TMEM132D: variants seen among roughly 807,000 people sequenced by gnomAD.
The protein encoded by TMEM132D is mature OL transmembrane protein.
In TMEM132D, 21 loss-of-function variants were observed where a neutral mutation model predicts 62.3. The ratio of observed to expected loss-of-function variants is 0.34; its 90% CI spans 0.24 to 0.49. The LOEUF (loss-of-function observed/expected upper bound fraction) is 0.49, where lower values mean the gene tolerates loss of function less well. Among genes scored for constraint, TMEM132D ranks in the 20% least tolerant of loss-of-function variants. The pLI is 0.99. For synonymous variants in TMEM132D, 621 were observed against 575.6 expected (o/e 1.08, Z -1.13); for missense variants, 1,346 against 1,402.8 (o/e 0.96, Z 0.65).
intron 5 of TMEM132D, among the ~76,000 whole-genome samples, chr12:129,162,756 C>G (rs541657122): frequency 1.3e-5 from 2 of 152,316 alleles, no homozygotes; most frequent in East Asian, 3.9e-4. Context: ...CTTCCTGAGG[C>G]CTTCTTAGAA....
chr12:129,482,239 T>C (rs1036581970), intron 3 of TMEM132D, among the ~76,000 whole-genome samples: 1 of 152,202 alleles, frequency 6.6e-6, no homozygotes, highest in Non-Finnish European at 1.5e-5. Flanking sequence ...GTGTGTAGCG[T>C]GGCAAAACAC....
chr12:129,294,153 G>A (rs1881513955), intron 4 of TMEM132D, among the ~76,000 whole-genome samples: 1 of 152,174 alleles, frequency 6.6e-6, no homozygotes, highest in African/African-American at 2.4e-5. Context: ...ACAGAGGGAA[G>A]TATATGAACT....
intron 4 of TMEM132D, among the ~76,000 whole-genome samples, chr12:129,214,034 C>G (rs189854366): frequency 1.0e-3 from 153 of 152,288 alleles, no homozygotes; most frequent in Non-Finnish European, 1.3e-3. Context: ...AAGTGCTGCT[C>G]CTAAACAGAC....
chr12:129,281,428 T>TA (rs1029990041), intron 4 of TMEM132D, among the ~76,000 whole-genome samples: 6 of 149,776 alleles, frequency 4.0e-5, no homozygotes, highest in African/African-American at 1.5e-4. Context: ...CTTTTTTTTT[T>TA]AAAAAAAAAA....
intron 6 of TMEM132D, among the ~76,000 whole-genome samples, chr12:129,083,828 C>T (rs1157207680): frequency 6.6e-6 from 1 of 152,222 alleles, no homozygotes; most frequent in Non-Finnish European, 1.5e-5. Flanking sequence ...GCTCCTACCA[C>T]TCTCTTTACA....
chr12:129,883,901 G>C lies in TMEM132D; in HGVS notation c.79+19360C>G, dbSNP rs143791098. 1.8e-3 allele frequency among the ~76,000 whole-genome samples: 279 copies of C among 152,240 alleles called. 3 individuals carry two copies. The highest frequency in any genetic ancestry group is 3.4e-3 in the Middle Eastern group (1 of 294). On this transcript the variant is annotated intron_variant, in intron 1 of 8. Coordinates refer to ENST00000422113, the MANE Select transcript of TMEM132D (RefSeq NM_133448.3). ...CATACACAAAAATTAACCAAGACTGGATTATAGACCTCAATGCAATAAAAT... is the reference window on the plus strand; with the variant it reads ...CATACACAAAAATTAACCAAGACTGCATTATAGACCTCAATGCAATAAAAT...
At chr12:129,359,585 C>A (rs2135673562) in intron 3 of TMEM132D, among the ~76,000 whole-genome samples, 1 of 152,240 alleles carries the variant, frequency 6.6e-6, no homozygotes, top group East Asian at 1.9e-4. Flanking sequence ...GTATATGGCT[C>A]ACAGAGCCTG....
At chr12:129,290,039 G>A (rs1423357710) in intron 4 of TMEM132D, among the ~76,000 whole-genome samples, 1 of 152,186 alleles carries the variant, frequency 6.6e-6, no homozygotes, top group Non-Finnish European at 1.5e-5. Flanking sequence ...TCATATCAAT[G>A]TTTATTTCCT....
intron 4 of TMEM132D, among the ~76,000 whole-genome samples, chr12:129,298,567 T>G (rs1374192674): frequency 6.6e-6 from 1 of 152,154 alleles, no homozygotes; most frequent in African/African-American, 2.4e-5. Flanking sequence ...CTTCCTCCTA[T>G]CTGATTGTCA....
In TMEM132D at chr12:129,779,914, G is replaced by A. The variant is rs895527189; in HGVS notation, c.80-79216C>T. ...ACTATTTTTACCAACGTGCTTTTAC[G>A]CATTGACTCCAGAAATCCTTACAAC... On this transcript the variant is annotated intron_variant, in intron 1 of 8. Transcript: ENST00000422113. The surrounding 1 kb of genome is among the most constrained non-coding windows in gnomAD (Gnocchi z 4.1). 6.6e-5 allele frequency among the ~76,000 whole-genome samples: 10 copies of A among 152,030 alleles called. No individual in the cohort carries two copies. Among genetic ancestry groups the A allele is most frequent in the Middle Eastern group, 3.4e-3 (1 of 294 alleles).
chr12:129,851,019 G>C (rs1231274901), intron 1 of TMEM132D, among the ~76,000 whole-genome samples: 2 of 152,132 alleles, frequency 1.3e-5, no homozygotes, highest in African/African-American at 2.4e-5. Context: ...AGAAATAAAG[G>C]TGAAACTGAG....
intron 2 of TMEM132D, among the ~76,000 whole-genome samples, chr12:129,555,488 G>A (rs781102646): frequency 2.0e-5 from 3 of 152,168 alleles, no homozygotes; most frequent in Non-Finnish European, 4.4e-5. Context: ...AGCTAGGGAA[G>A]CAACCATACA....
At chr12:129,212,958 T>C (rs1420916791) in intron 4 of TMEM132D, among the ~76,000 whole-genome samples, 5 of 152,190 alleles carry the variant, frequency 3.3e-5, no homozygotes, top group Non-Finnish European at 7.3e-5. Flanking sequence ...CATGTCTTAG[T>C]TTGAGCCAGC....
At chr12:129,101,112 A>T (rs1393369403) in intron 5 of TMEM132D, among the ~76,000 whole-genome samples, 2 of 151,816 alleles carry the variant, frequency 1.3e-5, no homozygotes, top group Non-Finnish European at 2.9e-5. Flanking sequence ...CTGTGGCACC[A>T]GTTGATGGCA....
chr12:129,456,642 G>A (rs970493333), intron 3 of TMEM132D, among the ~76,000 whole-genome samples: 9 of 152,158 alleles, frequency 5.9e-5, no homozygotes, highest in Admixed American at 5.2e-4. Flanking sequence ...CCAAGCCATA[G>A]GTAACCATGT....
At chr12:129,411,440 C>T (rs1209300512) in intron 3 of TMEM132D, among the ~76,000 whole-genome samples, 1 of 152,214 alleles carries the variant, frequency 6.6e-6, no homozygotes, top group African/African-American at 2.4e-5. Flanking sequence ...GTGATCTTGA[C>T]TCACTGCAAC....
At chr12:129,553,023 C>T (rs186123613) in intron 2 of TMEM132D, among the ~76,000 whole-genome samples, 12 of 152,280 alleles carry the variant, frequency 7.9e-5, no homozygotes, top group Middle Eastern at 3.4e-3. Context: ...AGAAAGGTCA[C>T]GCCACCATCC....
At chr12:129,673,662 T>G (rs1880560207) in intron 2 of TMEM132D, among the ~76,000 whole-genome samples, 1 of 152,140 alleles carries the variant, frequency 6.6e-6, no homozygotes, top group Non-Finnish European at 1.5e-5. Context: ...GAGGAGACAG[T>G]CAAAGAACCA....
chr12:129,255,246 T>C (rs1191790114), intron 4 of TMEM132D, among the ~76,000 whole-genome samples: 1 of 152,202 alleles, frequency 6.6e-6, no homozygotes, highest in South Asian at 2.1e-4. Context: ...CTTTTCTTTA[T>C]AATTATGCAG....
Sources: allele counts gnomAD v4.1 joint callset (sites outside exome capture counted in the v4.1 genomes callset), GRCh38; gene constraint gnomAD v4.1.1; non-coding constraint Gnocchi (gnomAD v3.1); transcripts MANE v1.5; gene names NCBI Gene and HGNC (gene_info 2026-07-23, HGNC 2026-07-21).